Variants in DCDC1 observed in about 807,000 individuals in gnomAD.
The protein encoded by DCDC1 is doublecortin domain containing 1, also known as doublecortin domain-containing protein 1.
Under a neutral mutation model 178.3 loss-of-function variants are expected in DCDC1, and 200 were observed. The ratio of observed to expected loss-of-function variants is 1.12; its 90% CI spans 1.00 to 1.26. The LOEUF is 1.26. DCDC1 is among the 50% of genes most tolerant of loss of function. The pLI is 0.00. For missense variants in DCDC1, 1,983 were observed against 1,749.2 expected (o/e 1.13, Z -2.38); for synonymous variants, 690 against 604.8 (o/e 1.14, Z -2.07).
At chr11:30,962,112 T>C (rs1372386847) in intron 20 of DCDC1, among the ~76,000 whole-genome samples, 1 of 152,104 alleles carries the variant, frequency 6.6e-6, no homozygotes, top group Non-Finnish European at 1.5e-5. Flanking sequence ...TAAACAATTA[T>C]TTTAAGATTT....
At chr11:31,367,294 G>A (rs1952011332) in intron 1 of DCDC1, among the ~76,000 whole-genome samples, 1 of 152,194 alleles carries the variant, frequency 6.6e-6, no homozygotes, top group Non-Finnish European at 1.5e-5. Context: ...GCAAGACTCT[G>A]TCTCAAACAA....
At chr11:31,189,045 A>G (rs1475598595) in intron 9 of DCDC1, among the ~76,000 whole-genome samples, 3 of 152,168 alleles carry the variant, frequency 2.0e-5, no homozygotes, top group Non-Finnish European at 4.4e-5. Flanking sequence ...CTCATCAGAC[A>G]CCGAATTTGT....
At chr11:31,192,190 T>C (rs1448725816) in intron 9 of DCDC1, among the ~76,000 whole-genome samples, 1 of 152,102 alleles carries the variant, frequency 6.6e-6, no homozygotes, top group East Asian at 1.9e-4. Context: ...ATTATTGCCA[T>C]AGCGTTCTAA....
intron 20 of DCDC1, among the ~76,000 whole-genome samples, chr11:30,964,376 C>T (rs926476760): frequency 6.6e-6 from 1 of 152,124 alleles, no homozygotes; most frequent in African/African-American, 2.4e-5. Context: ...TAATATCCTT[C>T]CCCTCAAGAA....
At chr11:30,958,096 G>C (rs1948874074) in intron 20 of DCDC1, among the ~76,000 whole-genome samples, 1 of 152,148 alleles carries the variant, frequency 6.6e-6, no homozygotes, top group Admixed American at 6.6e-5. Context: ...TGGAATACTT[G>C]ATCATCCACT....
chr11:30,865,356 A>C (rs760488045), intron 38 of DCDC1, 24 bp from the exon 39 acceptor site: 5 of 152,396 alleles, frequency 3.3e-5, no homozygotes, highest in Non-Finnish European at 7.3e-5. Flanking sequence ...AGAGAAACAA[A>C]TCTATATATA....
At chr11:31,280,812 TGA>T in intron 7 of DCDC1, 1 of 618,562 alleles carries the variant, frequency 1.6e-6, no homozygotes, top group South Asian at 1.4e-5. Flanking sequence ...TCTCCCCAGG[TGA>T]TGCCTTTGTT....
Position 30,881,146 on chromosome 11 carries a change from T to G in DCDC1, c.5233+12A>C. On this transcript the variant is annotated intron_variant, in intron 37 of 38. Coordinates refer to ENST00000684477, the MANE Select transcript of DCDC1 (RefSeq NM_001387274.1). ...TTCAAAGACTTGATGGAAAAGAAACTATCATGCATACCTTTTGGGGTTTTG... is the reference window on the plus strand; with the variant it reads ...TTCAAAGACTTGATGGAAAAGAAACGATCATGCATACCTTTTGGGGTTTTG... The G allele has an allele frequency of 6.2e-7, 1 of 1,611,790 alleles. No homozygotes were observed.
chr11:31,142,696 A>G (rs1963974388), intron 9 of DCDC1, among the ~76,000 whole-genome samples: 1 of 152,192 alleles, frequency 6.6e-6, no homozygotes, highest in Non-Finnish European at 1.5e-5. Flanking sequence ...CCTAAAATTA[A>G]TAAGATATTA....
chr11:31,292,263 T>C (rs1947288908), intron 6 of DCDC1, among the ~76,000 whole-genome samples: 1 of 152,106 alleles, frequency 6.6e-6, no homozygotes. Flanking sequence ...AATGAGTTCA[T>C]AAATAGCCAA....
chr11:31,214,185 C>T (rs548349789), intron 9 of DCDC1, among the ~76,000 whole-genome samples: 5 of 151,974 alleles, frequency 3.3e-5, no homozygotes, highest in Non-Finnish European at 5.9e-5. Context: ...TGTACTGTTG[C>T]AAACAATATG....
intron 28 of DCDC1, 26 bp downstream of exon 28, chr11:30,911,301 C>T (rs1250188871): frequency 1.3e-6 from 2 of 1,561,912 alleles, no homozygotes; most frequent in East Asian, 4.6e-5. Context: ...AAGGCCATGA[C>T]TAATCTTTAG....
chr11:31,239,414 C>T (rs2136874102), intron 9 of DCDC1, among the ~76,000 whole-genome samples: 1 of 152,050 alleles, frequency 6.6e-6, no homozygotes, highest in East Asian at 1.9e-4. Context: ...CTTCTCTAAA[C>T]ATTCAAATAA....
chr11:30,947,231 G>A (rs1416141457), intron 21 of DCDC1, among the ~76,000 whole-genome samples: 5 of 152,122 alleles, frequency 3.3e-5, no homozygotes, highest in African/African-American at 1.2e-4. Context: ...AGAGTTAAGA[G>A]ACATGGAAGT....
chr11:31,213,423 A>C (rs1973091035), intron 9 of DCDC1, among the ~76,000 whole-genome samples: 1 of 151,956 alleles, frequency 6.6e-6, no homozygotes, highest in African/African-American at 2.4e-5. Flanking sequence ...CAGGCATTAA[A>C]AGTGGTCACC....
chr11:31,134,779 G>T (rs1962912526), intron 10 of DCDC1, among the ~76,000 whole-genome samples: 1 of 152,306 alleles, frequency 6.6e-6, no homozygotes, highest in African/African-American at 2.4e-5. Context: ...GGGATCACTT[G>T]AGGCCAGGAG....
At chr11:30,950,288 G>A (rs1233083914) in intron 21 of DCDC1, among the ~76,000 whole-genome samples, 2 of 152,128 alleles carry the variant, frequency 1.3e-5, no homozygotes, top group Non-Finnish European at 2.9e-5. Flanking sequence ...ACAGTGTGGA[G>A]GTTCCTCCAA....
intron 8 of DCDC1, among the ~76,000 whole-genome samples, chr11:31,242,079 T>C (rs1246307445): frequency 6.6e-6 from 1 of 151,986 alleles, no homozygotes; most frequent in Non-Finnish European, 1.5e-5. Flanking sequence ...CACACCTTTA[T>C]AAACCATCCT....
intron 3 of DCDC1, among the ~76,000 whole-genome samples, chr11:31,325,388 G>A (rs2137826559): frequency 6.6e-6 from 1 of 152,246 alleles, no homozygotes; most frequent in East Asian, 1.9e-4. Flanking sequence ...ACAGAAATGA[G>A]GCTACATTTT....
Sources: allele counts gnomAD v4.1 joint callset (sites outside exome capture counted in the v4.1 genomes callset), GRCh38; gene constraint gnomAD v4.1.1; transcripts MANE v1.5; gene names NCBI Gene and HGNC (gene_info 2026-07-23, HGNC 2026-07-21).